The following DGKB variants were observed in gnomAD, a reference collection of about 807,000 sequenced individuals.
DGKB encodes the protein diacylglycerol kinase beta.
DGKB carries 67 observed loss-of-function variants against 114.3 expected under a neutral mutation model. The ratio of observed to expected loss-of-function variants is 0.59; its 90% CI spans 0.48 to 0.72. The LOEUF is 0.72. Among genes scored for constraint, DGKB ranks in the 30% least tolerant of loss-of-function variants. The pLI is 0.00. For synonymous variants in DGKB, 398 were observed against 323.1 expected, an observed-to-expected ratio of 1.23 and a Z score of -2.49; for missense variants, 907 against 975.2, an observed-to-expected ratio of 0.93 and a Z score of 0.93.
intron 23 of DGKB, among the ~76,000 whole-genome samples, chr7:14,187,440 C>T (rs1562566927): frequency 6.6e-6 from 1 of 152,230 alleles, no homozygotes; most frequent in Non-Finnish European, 1.5e-5. Context: ...CACCATTGCT[C>T]TCATGCTTGG....
intron 23 of DGKB, among the ~76,000 whole-genome samples, chr7:14,193,785 C>G (rs1784638134): frequency 6.6e-6 from 1 of 151,828 alleles, no homozygotes; most frequent in Non-Finnish European, 1.5e-5. Context: ...TATATGTAGA[C>G]TATACTTCTA....
chr7:14,852,809 T>C (rs1342531395), intron 1 of DGKB, among the ~76,000 whole-genome samples: 3 of 152,146 alleles, frequency 2.0e-5, no homozygotes, highest in Non-Finnish European at 4.4e-5. Flanking sequence ...TTATTGCAAA[T>C]TGATAAATTT....
intron 20 of DGKB, among the ~76,000 whole-genome samples, chr7:14,532,713 A>T (rs753410884): frequency 5.3e-5 from 8 of 151,642 alleles, no homozygotes; most frequent in Non-Finnish European, 3.0e-5. Context: ...CCATTCTCTT[A>T]ATATTTGATA....
At chr7:14,306,223 A>G (rs112169398) in intron 23 of DGKB, among the ~76,000 whole-genome samples, 9 of 152,296 alleles carry the variant, frequency 5.9e-5, no homozygotes, top group African/African-American at 2.2e-4. Flanking sequence ...ATATGAATTA[A>G]TATTTTCAAT....
chr7:14,507,318 G>C (rs1409256704), intron 20 of DGKB, among the ~76,000 whole-genome samples: 4 of 152,036 alleles, frequency 2.6e-5, no homozygotes, highest in African/African-American at 9.7e-5. Context: ...TTAGTATTTA[G>C]ATTCTGATAT....
At chr7:14,342,984 G>C (rs969056100) in intron 22 of DGKB, among the ~76,000 whole-genome samples, 1 of 151,716 alleles carries the variant, frequency 6.6e-6, no homozygotes, top group Non-Finnish European at 1.5e-5. Context: ...AACCATAGTA[G>C]GTATAATTTT....
chr7:14,586,260 A>G (rs1800745522), intron 17 of DGKB, among the ~76,000 whole-genome samples: 1 of 152,138 alleles, frequency 6.6e-6, no homozygotes. Flanking sequence ...TATTGCTGAT[A>G]GGGAGAATGT....
intron 23 of DGKB, among the ~76,000 whole-genome samples, chr7:14,285,939 C>T (rs1800803218): frequency 6.6e-6 from 1 of 151,970 alleles, no homozygotes; most frequent in Admixed American, 6.6e-5. Context: ...TTGGATCTAC[C>T]TTTTCTCTAT....
intron 21 of DGKB, among the ~76,000 whole-genome samples, chr7:14,450,975 G>C (rs1033049625): frequency 1.3e-5 from 2 of 152,052 alleles, no homozygotes; most frequent in Non-Finnish European, 2.9e-5. Context: ...CTATCAGTCA[G>C]ATGCCCAAAA....
chr7:14,561,633 G>C (rs1796673913), intron 20 of DGKB, among the ~76,000 whole-genome samples: 1 of 152,294 alleles, frequency 6.6e-6, no homozygotes, highest in East Asian at 1.9e-4. Flanking sequence ...TTGGGAACTG[G>C]AGCAATGGTA....
intron 21 of DGKB, among the ~76,000 whole-genome samples, chr7:14,354,682 AG>A (rs1157179613): frequency 2.6e-5 from 4 of 152,214 alleles, no homozygotes; most frequent in African/African-American, 9.6e-5. Context: ...GGCCTTCCAA[AG>A]GTTCTTTTGC....
At chr7:14,843,732 T>C (rs1848269333) in intron 1 of DGKB, among the ~76,000 whole-genome samples, 1 of 152,246 alleles carries the variant, frequency 6.6e-6, no homozygotes, top group African/African-American at 2.4e-5. Context: ...GGTTTATTTG[T>C]TTATTCAAAT....
chr7:14,530,672 T>C (rs1453186483), intron 20 of DGKB, among the ~76,000 whole-genome samples: 2 of 151,498 alleles, frequency 1.3e-5, no homozygotes, highest in Admixed American at 6.6e-5. Flanking sequence ...ATGTGCCATA[T>C]ACAAGATATA....
At chr7:14,221,940 G>A (rs910859686) in intron 23 of DGKB, among the ~76,000 whole-genome samples, 35 of 151,084 alleles carry the variant, frequency 2.3e-4, no homozygotes, top group Admixed American at 1.3e-3. Flanking sequence ...TGATGTAGTG[G>A]CATTAAATTT....
At chr7:14,885,122 G>T (rs1429395097) in intron 1 of DGKB, among the ~76,000 whole-genome samples, 4 of 151,894 alleles carry the variant, frequency 2.6e-5, no homozygotes, top group Non-Finnish European at 5.9e-5. Context: ...ATCTGAGCGA[G>T]GTAACTTGAT....
At chr7:14,372,727 G>C (rs1276974181) in intron 21 of DGKB, among the ~76,000 whole-genome samples, 1 of 151,652 alleles carries the variant, frequency 6.6e-6, no homozygotes, top group Non-Finnish European at 1.5e-5. Flanking sequence ...TGTTTTAGGG[G>C]CTCATATACT....
intron 2 of DGKB, among the ~76,000 whole-genome samples, chr7:14,819,339 C>A (rs1844588980): frequency 6.6e-6 from 1 of 152,088 alleles, no homozygotes; most frequent in African/African-American, 2.4e-5. Flanking sequence ...GTAATCCCAG[C>A]ACTTTGGGAG....
At chr7:14,746,908 G>C (rs1477327339) in intron 4 of DGKB, among the ~76,000 whole-genome samples, 1 of 151,520 alleles carries the variant, frequency 6.6e-6, no homozygotes, top group African/African-American at 2.4e-5. Context: ...TTCTGTGTCA[G>C]ATAACAGAGA....
intron 25 of DGKB, among the ~76,000 whole-genome samples, chr7:14,173,287 A>C (rs926019255): frequency 6.6e-6 from 1 of 152,168 alleles, no homozygotes; most frequent in Non-Finnish European, 1.5e-5. Context: ...TGAAATTTAT[A>C]AATGTATCTT....
Sources: gnomAD v4.1 joint callset for allele counts (sites outside exome capture counted in the v4.1 genomes callset) on GRCh38, gnomAD v4.1.1 for gene constraint, MANE v1.5 for transcripts, NCBI Gene and HGNC (gene_info 2026-07-23, HGNC 2026-07-21) for gene names.